ANXA2: variants seen among roughly 807,000 people sequenced by gnomAD.
ANXA2 encodes the protein annexin A2, also known as annexin II.
In ANXA2, 28 loss-of-function variants were observed where a neutral mutation model predicts 47.3. That is an observed-to-expected ratio of 0.59 (90% confidence interval 0.44 to 0.81). ANXA2 has a LOEUF of 0.81. Ranked by LOEUF, ANXA2 falls within the 40% of genes least tolerant of loss-of-function variation. The pLI, the probability that ANXA2 is intolerant of heterozygous loss-of-function variation, is 0.00. For missense variants in ANXA2, 384 were observed against 414.3 expected (o/e 0.93, Z 0.64); for synonymous variants, 172 against 155.5 (o/e 1.11, Z -0.79).
intron 10 of ANXA2, 104 bp downstream of exon 10, chr15:60,351,620 T>G (rs1023693011): frequency 1.3e-6 from 1 of 776,992 alleles, no homozygotes; most frequent in Non-Finnish European, 2.3e-6. Flanking sequence ...AAAGCATGCA[T>G]AGAAGCCACA....
Position 60,355,949 on chromosome 15 carries a change from G to A in ANXA2, c.498C>T (p.Asp166=). ...EKDIISDTSG[D]FRKLMVALAK... is the part of the protein sequence containing the mutation. The stretch of plus-strand genomic sequence containing the variant: ...CCAGGGCAACCATCAGCTTGCGGAA[G>A]TCACCAGATGTGTCCGAAATAATGT... The change falls in exon 7 of 13, where the codon GAC becomes GAT. Residue 166 remains aspartate (D), a synonymous_variant. Coordinates refer to ENST00000451270, the MANE Select transcript of ANXA2 (RefSeq NM_004039.3). 1 of 1,614,188 alleles carries A rather than the reference G, an allele frequency of 6.2e-7. No individual in the cohort carries two copies.
intron 1 of ANXA2, among the ~76,000 whole-genome samples, chr15:60,391,467 G>T (rs886186710): frequency 1.3e-5 from 2 of 152,166 alleles, no homozygotes; most frequent in African/African-American, 4.8e-5. Flanking sequence ...GCTGGAAAAT[G>T]AGCCACGTCC....
intron 4 of ANXA2, 30 bp from the exon 5 acceptor site, chr15:60,361,084 ATATT>A: frequency 6.9e-7 from 1 of 1,457,246 alleles, no homozygotes; most frequent in South Asian, 1.1e-5. Flanking sequence ...CATAAGGAAA[ATATT>A]TATTTTACTT....
chr15:60,370,196 A>G (rs1243278224), intron 3 of ANXA2, among the ~76,000 whole-genome samples: 2 of 152,242 alleles, frequency 1.3e-5, no homozygotes, highest in Admixed American at 1.3e-4. Context: ...TTTACAAGTG[A>G]ACAGCCGTAA....
chr15:60,374,583 G>A (rs1263193607), intron 3 of ANXA2: 4 of 456,090 alleles, frequency 8.8e-6, no homozygotes, highest in South Asian at 3.1e-5. Context: ...AAAAGAAAGA[G>A]CTGAAGAGAG....
At chr15:60,390,253 G>C in intron 1 of ANXA2, 1 of 1,031,296 alleles carries the variant, frequency 9.7e-7, no homozygotes, top group Non-Finnish European at 1.2e-6. Flanking sequence ...ATCCCATGCA[G>C]GTGCCTTTTG....
chr15:60,377,751 C>T (rs1335236030), intron 3 of ANXA2, among the ~76,000 whole-genome samples: 2 of 152,164 alleles, frequency 1.3e-5, no homozygotes, highest in Non-Finnish European at 2.9e-5. Context: ...TGACGTACGT[C>T]TGTTTCCATT....
chr15:60,366,118 T>A (rs8028435), intron 3 of ANXA2, among the ~76,000 whole-genome samples: 58 of 117,046 alleles, frequency 5.0e-4, no homozygotes, highest in African/African-American at 2.0e-3. Context: ...CCCGAGGTGC[T>A]GGGATTGCAG....
chr15:60,395,714 G>C (rs1349063781), intron 1 of ANXA2: 1 of 152,224 alleles, frequency 6.6e-6, no homozygotes, highest in African/African-American at 2.4e-5. Context: ...TCCAGTGCAA[G>C]ACTGAGCTCC....
chr15:60,362,201 C>G (rs2062524567), intron 4 of ANXA2, among the ~76,000 whole-genome samples: 1 of 152,144 alleles, frequency 6.6e-6, no homozygotes, highest in East Asian at 1.9e-4. Context: ...ACACCAGTCT[C>G]CCAGTTTGGA....
intron 11 of ANXA2, among the ~76,000 whole-genome samples, chr15:60,349,798 AGAAAGG>A (rs1366159406): frequency 4.3e-5 from 6 of 140,858 alleles, no homozygotes; most frequent in East Asian, 2.1e-4. Context: ...GAAAGAGAGA[AGAAAGG>A]GAAAGGGAAA....
chr15:60,361,102 A>G (rs745425768), intron 4 of ANXA2, 48 bp from the exon 5 acceptor site: 7 of 1,309,382 alleles, frequency 5.3e-6, no homozygotes, highest in Non-Finnish European at 7.7e-6. Context: ...TTTACTTTAA[A>G]ACTAGTGAGT....
chr15:60,348,966 G>C (rs1421483193), intron 12 of ANXA2, 109 bp downstream of exon 12: 2 of 1,303,996 alleles, frequency 1.5e-6, no homozygotes, highest in African/African-American at 2.9e-5. Flanking sequence ...CTTCCCCAGA[G>C]AGTCAGAAAA....
chr15:60,349,038 G>T, intron 12 of ANXA2, 37 bp downstream of exon 12: 2 of 1,612,936 alleles, frequency 1.2e-6, no homozygotes, highest in Non-Finnish European at 8.5e-7. Flanking sequence ...GGGTGCTCTG[G>T]ACGGCAGGGC....
chr15:60,368,909 C>A (rs1386762333), intron 3 of ANXA2, among the ~76,000 whole-genome samples: 1 of 152,178 alleles, frequency 6.6e-6, no homozygotes, highest in Non-Finnish European at 1.5e-5. Flanking sequence ...ATATAATTCT[C>A]TTCAGTTTCC....
intron 3 of ANXA2, among the ~76,000 whole-genome samples, chr15:60,372,032 C>T (rs1465354109): frequency 6.6e-6 from 1 of 152,020 alleles, no homozygotes; most frequent in East Asian, 1.9e-4. Flanking sequence ...GCGTGTAATC[C>T]CAGCTACTCG....
intron 3 of ANXA2, among the ~76,000 whole-genome samples, chr15:60,371,629 G>A (rs899448545): frequency 6.6e-6 from 1 of 152,212 alleles, no homozygotes; most frequent in Non-Finnish European, 1.5e-5. Context: ...AAGGTCTCGG[G>A]AGAGTGGGGG....
chr15:60,380,230 C>G (rs1229891806), intron 3 of ANXA2, among the ~76,000 whole-genome samples: 2 of 152,152 alleles, frequency 1.3e-5, no homozygotes, highest in African/African-American at 2.4e-5. Context: ...ATGCTTCATA[C>G]TTTACAACAA....
intron 1 of ANXA2, among the ~76,000 whole-genome samples, chr15:60,392,757 G>A (rs2063030425): frequency 6.6e-6 from 1 of 152,212 alleles, no homozygotes; most frequent in Admixed American, 6.5e-5. Context: ...GTGGAGTGTT[G>A]ATGCGTTACC....
Sources: allele counts gnomAD v4.1 joint callset (sites outside exome capture counted in the v4.1 genomes callset), GRCh38; gene constraint gnomAD v4.1.1; transcripts MANE v1.5; gene names NCBI Gene and HGNC (gene_info 2026-07-23, HGNC 2026-07-21).